Variants in ZC3H18 observed in about 807,000 individuals in gnomAD.
ZC3H18 encodes zinc finger CCCH domain-containing protein 18.
A neutral mutation model predicts 106.1 loss-of-function variants in ZC3H18; 8 were observed. That is an observed-to-expected ratio of 0.08 (90% confidence interval 0.04 to 0.14). The LOEUF is 0.14. Ranked by LOEUF, ZC3H18 falls within the 10% of genes least tolerant of loss-of-function variation. The pLI, the probability that ZC3H18 is intolerant of heterozygous loss-of-function variation, is 1.00. For missense variants in ZC3H18, 1,318 were observed against 1,278.4 expected (o/e 1.03, Z -0.47); for synonymous variants, 635 against 522.1 (o/e 1.22, Z -2.95).
rs781480515 is a variant in ZC3H18, at chr16:88,630,587, T to C, written c.2663+6T>C. 3.8e-6 allele frequency: 6 copies of C among 1,597,808 alleles called. No homozygotes were observed. The South Asian group carries it at 6.7e-5, about 18-fold the overall frequency. On this transcript the variant is annotated splice_donor_region_variant and intron_variant, in intron 17 of 17. Coordinates refer to ENST00000301011, the MANE Select transcript of ZC3H18 (RefSeq NM_144604.4). ...CCTGCAGCCCCGGCTGACAGGTGAG[T>C]CCCACCCAGCATGTGCCCTGGGCAC...
chr16:88,624,123 TC>T, intron 11 of ZC3H18, 61 bp downstream of exon 11: 2 of 1,583,062 alleles, frequency 1.3e-6, no homozygotes, highest in Non-Finnish European at 1.7e-6. Flanking sequence ...TGCAGCCTCC[TC>T]CCTCCGTCTC....
At chr16:88,623,198 G>T (rs201642835) in intron 9 of ZC3H18, 21 bp from the exon 10 acceptor site, 1 of 1,608,812 alleles carries the variant, frequency 6.2e-7, no homozygotes, top group Non-Finnish European at 8.5e-7. Flanking sequence ...TTCTCGCCAC[G>T]CTCCGTCCCG....
At chr16:88,619,334 C>G (rs887309185) in intron 8 of ZC3H18, among the ~76,000 whole-genome samples, 3 of 152,234 alleles carry the variant, frequency 2.0e-5, no homozygotes, top group Non-Finnish European at 2.9e-5. Context: ...AGTACCACCA[C>G]GTCCCACACG....
chr16:88,622,588 T>A, intron 9 of ZC3H18, 200 bp downstream of exon 9: 1 of 605,278 alleles, frequency 1.7e-6, no homozygotes, highest in Non-Finnish European at 2.8e-6. Context: ...ACTGACGCAG[T>A]GACCCCAAAT....
intron 1 of ZC3H18, among the ~76,000 whole-genome samples, chr16:88,576,689 C>A (rs1267590558): frequency 6.6e-6 from 1 of 152,200 alleles, no homozygotes; most frequent in South Asian, 2.1e-4. Flanking sequence ...GAGATCTGGG[C>A]CTGCAGTTTT....
intron 3 of ZC3H18, among the ~76,000 whole-genome samples, chr16:88,589,857 T>C (rs1915639252): frequency 6.6e-6 from 1 of 152,262 alleles, no homozygotes; most frequent in Admixed American, 6.5e-5. Flanking sequence ...GGTGATGGAA[T>C]GTTCTAGAAC....
chr16:88,587,312 A>T (rs1179252183), intron 3 of ZC3H18, among the ~76,000 whole-genome samples: 1 of 152,216 alleles, frequency 6.6e-6, no homozygotes, highest in Admixed American at 6.5e-5. Context: ...TCGCTGCTTA[A>T]TGTCTTGGGG....
chr16:88,582,225 T>C (rs1051377404), intron 2 of ZC3H18, among the ~76,000 whole-genome samples: 1 of 130,442 alleles, frequency 7.7e-6, no homozygotes, highest in African/African-American at 2.9e-5. Context: ...TTTTCTTTTT[T>C]TTTTTTTTTT....
chr16:88,595,462 ATTTC>A (rs1188591715), intron 3 of ZC3H18, among the ~76,000 whole-genome samples: 52 of 142,550 alleles, frequency 3.6e-4, no homozygotes, highest in African/African-American at 1.3e-3. Flanking sequence ...TTTCTGGATA[ATTTC>A]TTTCTTTCTT....
In ZC3H18 at chr16:88,628,075, A is replaced by T. The variant is rs569198372; in HGVS notation, c.2425A>T (p.Thr809Ser). ...ACCCCCCGGGCAGCCCCAGCAGGGCACATTTGTGGCCCACAAGGAGATCAA... is the reference window on the plus strand; with the variant it reads ...ACCCCCCGGGCAGCCCCAGCAGGGCTCATTTGTGGCCCACAAGGAGATCAA... ...QAPPGQPQQG[T>S]FVAHKEIKLT... is the part of the protein sequence containing the mutation. The change falls in exon 15 of 18, where the codon ACA becomes TCA. Residue 809 changes from threonine to serine, a missense_variant. This residue lies in a region of ZC3H18 where 848 missense variants were observed against 821.7 expected (regional missense o/e 1.03). Coordinates refer to ENST00000301011, the MANE Select transcript of ZC3H18 (RefSeq NM_144604.4). 3 of 1,614,058 alleles carry T rather than the reference A, an allele frequency of 1.9e-6. No homozygotes were observed. The South Asian group carries it at 3.3e-5, about 18-fold the overall frequency.
chr16:88,601,423 T>C (rs1904745129), intron 6 of ZC3H18, among the ~76,000 whole-genome samples: 2 of 152,156 alleles, frequency 1.3e-5, no homozygotes, highest in Non-Finnish European at 2.9e-5. Context: ...AACCTGGGCG[T>C]GATCCTTGAC....
Position 88,628,054 on chromosome 16 carries a change from C to G in ZC3H18, c.2404C>G (p.Pro802Ala), listed in dbSNP as rs751758951. The change falls in exon 15 of 18, where the codon CCC becomes GCC. Residue 802 changes from proline to alanine, a missense_variant. Physicochemically the swap from Pro to Ala is conservative, Grantham distance 27. This residue lies in a region of ZC3H18 where 848 missense variants were observed against 821.7 expected (regional missense o/e 1.03). Transcript: ENST00000301011. ...QQPSTPQQAP[P>A]GQPQQGTFVA... ...GCCCTCGACACCCCAGCAGGCACCC[C>G]CCGGGCAGCCCCAGCAGGGCACATT... is the stretch of plus-strand genomic sequence containing the variant. 4 of 1,614,080 alleles carry G rather than the reference C, an allele frequency of 2.5e-6. No homozygotes were observed. The highest frequency in any genetic ancestry group is 2.5e-6 in the Non-Finnish European group (3 of 1,180,022).
At chr16:88,612,281 C>G (rs1168150506) in intron 8 of ZC3H18, among the ~76,000 whole-genome samples, 6 of 152,044 alleles carry the variant, frequency 3.9e-5, no homozygotes, top group African/African-American at 9.7e-5. Context: ...ATGGACGCTG[C>G]AACATACCCA....
intron 8 of ZC3H18, among the ~76,000 whole-genome samples, chr16:88,614,286 GC>G (rs1409865852): frequency 6.6e-6 from 1 of 152,242 alleles, no homozygotes; most frequent in Non-Finnish European, 1.5e-5. Context: ...AGACCTGGCA[GC>G]CATCAGGACC....
intron 3 of ZC3H18, among the ~76,000 whole-genome samples, chr16:88,590,272 A>T (rs1307897842): frequency 6.6e-6 from 1 of 152,212 alleles, no homozygotes; most frequent in East Asian, 1.9e-4. Context: ...TATCTCCGAC[A>T]CGTTGTGATA....
intron 8 of ZC3H18, among the ~76,000 whole-genome samples, chr16:88,612,884 T>C (rs1293153914): frequency 6.6e-6 from 1 of 152,016 alleles, no homozygotes; most frequent in Admixed American, 6.6e-5. Context: ...ACCACTGTGG[T>C]CCCAGCTACT....
At chr16:88,611,089 C>T (rs940137592) in intron 7 of ZC3H18, among the ~76,000 whole-genome samples, 179 bp from the exon 8 acceptor site, 1 of 152,250 alleles carries the variant, frequency 6.6e-6, no homozygotes, top group Non-Finnish European at 1.5e-5. Flanking sequence ...CTCCTCTGTA[C>T]TCCACCGCAG....
At chr16:88,612,976 C>T (rs1905357179) in intron 8 of ZC3H18, among the ~76,000 whole-genome samples, 2 of 152,174 alleles carry the variant, frequency 1.3e-5, no homozygotes, top group East Asian at 1.9e-4. Flanking sequence ...GCACTCTAGC[C>T]TGGGTAATAG....
chr16:88,602,995 C>T (rs1361265893), intron 6 of ZC3H18, among the ~76,000 whole-genome samples: 7 of 150,738 alleles, frequency 4.6e-5, no homozygotes, highest in African/African-American at 1.2e-4. Flanking sequence ...GACGGAGTCT[C>T]GCTCTGTCAC....
Sources: gnomAD v4.1 joint callset for allele counts (sites outside exome capture counted in the v4.1 genomes callset) on GRCh38, gnomAD v4.1.1 for gene constraint, gnomAD v4.1.1 regional missense constraint, MANE v1.5 for transcripts, NCBI Gene and HGNC (gene_info 2026-07-23, HGNC 2026-07-21) for gene names.